The following LRBA variants were observed in gnomAD, a reference collection of about 807,000 sequenced individuals.
The protein encoded by LRBA is LPS responsive beige-like anchor protein.
Under a neutral mutation model 330.0 loss-of-function variants are expected in LRBA, and 176 were observed. The ratio of observed to expected loss-of-function variants is 0.53; its 90% confidence interval spans 0.47 to 0.60. The LOEUF is 0.60. Ranked by LOEUF, LRBA falls within the 20% of genes least tolerant of loss-of-function variation. The pLI, the probability that LRBA is intolerant of heterozygous loss-of-function variation, is 0.00. For synonymous variants in LRBA, 1,230 were observed against 1,193.0 expected (o/e 1.03, Z -0.64); for missense variants, 3,259 against 3,444.8 (o/e 0.95, Z 1.35).
chr4:150,655,967 G>A (rs916428982), intron 37 of LRBA, among the ~76,000 whole-genome samples: 19 of 152,064 alleles, frequency 1.2e-4, no homozygotes, highest in African/African-American at 4.6e-4. Context: ...CTCTCCCATC[G>A]CAAACCTAGT....
At chr4:150,568,027 C>A (rs769246757) in intron 40 of LRBA, among the ~76,000 whole-genome samples, 1 of 152,040 alleles carries the variant, frequency 6.6e-6, no homozygotes, top group Non-Finnish European at 1.5e-5. Flanking sequence ...AGCACTTGCC[C>A]GGGCACTGTG....
At chr4:151,015,052 A>C (rs7665453) in intron 1 of LRBA, 150 bp downstream of exon 1, 1 of 164,856 alleles carries the variant, frequency 6.1e-6, no homozygotes, top group Admixed American at 6.0e-5. Flanking sequence ...GAACAGGCTC[A>C]CTCCTCCCCC....
chr4:150,421,719 C>A (rs1748827263), intron 46 of LRBA, among the ~76,000 whole-genome samples: 1 of 152,038 alleles, frequency 6.6e-6, no homozygotes, highest in South Asian at 2.1e-4. Context: ...AAGGAGTAAA[C>A]AAGCAGCTTT....
At chr4:150,860,508 G>C (rs1751762945) in intron 22 of LRBA, among the ~76,000 whole-genome samples, 1 of 152,110 alleles carries the variant, frequency 6.6e-6, no homozygotes, top group Admixed American at 6.6e-5. Flanking sequence ...TTTAAGATCT[G>C]TTTAAAGCCA....
intron 37 of LRBA, among the ~76,000 whole-genome samples, chr4:150,646,541 A>G (rs1414609432): frequency 1.3e-5 from 2 of 152,080 alleles, no homozygotes; most frequent in African/African-American, 2.4e-5. Context: ...AAATAAATAA[A>G]TGTCCTGAGA....
intron 40 of LRBA, among the ~76,000 whole-genome samples, chr4:150,537,886 G>A (rs914304134): frequency 4.6e-5 from 7 of 151,888 alleles, no homozygotes; most frequent in African/African-American, 1.7e-4. Context: ...ACCCAGGAGG[G>A]GGAGGTTGCA....
In LRBA at chr4:150,282,375, C is replaced by T. The variant is rs530740632; in HGVS notation, c.8316+75G>A. The T allele has an allele frequency of 9.6e-5, 130 of 1,360,484 alleles. No homozygotes were observed. The South Asian group carries it at 1.3e-3, about 13-fold the overall frequency. The allele number at this position is 1,360,484 out of a possible 1,614,324, so 84.3% of individuals were successfully genotyped here. Reference sequence around the variant, plus strand: ...AATCCAAAAATAGAGGTTTCTTTCGCGAACCCTCTCCCTCCCCACTTGACA... The same window carrying T: ...AATCCAAAAATAGAGGTTTCTTTCGTGAACCCTCTCCCTCCCCACTTGACA... On this transcript the variant is annotated intron_variant, in intron 55 of 56. Transcript: ENST00000651943.
intron 37 of LRBA, among the ~76,000 whole-genome samples, chr4:150,599,775 A>C (rs1027666269): frequency 2.0e-5 from 3 of 152,218 alleles, no homozygotes; most frequent in African/African-American, 7.2e-5. Flanking sequence ...CCTGAGGCTT[A>C]GAACAACACA....
chr4:150,572,190 C>T (rs1769956570), intron 40 of LRBA, among the ~76,000 whole-genome samples: 1 of 152,088 alleles, frequency 6.6e-6, no homozygotes, highest in Non-Finnish European at 1.5e-5. Flanking sequence ...TACAATTCAT[C>T]AAACTTTAGT....
intron 2 of LRBA, among the ~76,000 whole-genome samples, chr4:150,932,684 G>A (rs927055041): frequency 6.6e-6 from 1 of 152,110 alleles, no homozygotes; most frequent in African/African-American, 2.4e-5. Context: ...GGGAGGCCGA[G>A]GCAGGTGGAT....
At chr4:150,946,795 T>C (rs1736294866) in intron 2 of LRBA, among the ~76,000 whole-genome samples, 1 of 151,912 alleles carries the variant, frequency 6.6e-6, no homozygotes, top group African/African-American at 2.4e-5. Context: ...AATGAAGAGC[T>C]AGTTCTTTGA....
intron 44 of LRBA, among the ~76,000 whole-genome samples, chr4:150,464,289 A>C (rs951057020): frequency 2.2e-4 from 33 of 152,066 alleles, no homozygotes; most frequent in Non-Finnish European, 2.5e-4. Context: ...TGTGAAGCAA[A>C]TTTTATATTC....
At chr4:150,480,735 C>T (rs1757204834) in intron 42 of LRBA, among the ~76,000 whole-genome samples, 1 of 151,956 alleles carries the variant, frequency 6.6e-6, no homozygotes, top group African/African-American at 2.4e-5. Flanking sequence ...AATAATTGTA[C>T]ATATTTATGG....
chr4:150,859,068 T>C (rs1443714239), intron 22 of LRBA, among the ~76,000 whole-genome samples: 3 of 152,184 alleles, frequency 2.0e-5, no homozygotes, highest in Non-Finnish European at 4.4e-5. Flanking sequence ...TCATTTCTTA[T>C]GTACAGTGAC....
At chr4:150,845,087 A>C (rs1458241876) in intron 26 of LRBA, among the ~76,000 whole-genome samples, 1 of 152,202 alleles carries the variant, frequency 6.6e-6, no homozygotes, top group Non-Finnish European at 1.5e-5. Flanking sequence ...CTTAGATCTC[A>C]ACTAAGCTAG....
intron 39 of LRBA, among the ~76,000 whole-genome samples, chr4:150,589,477 T>A (rs748068900): frequency 6.6e-6 from 1 of 152,224 alleles, no homozygotes; most frequent in Non-Finnish European, 1.5e-5. Context: ...TATAAATGGA[T>A]GAAATAAGAA....
intron 28 of LRBA, among the ~76,000 whole-genome samples, chr4:150,833,418 A>T (rs1417776233): frequency 6.6e-6 from 1 of 152,122 alleles, no homozygotes; most frequent in Admixed American, 6.5e-5. Context: ...ACTGTTCCCT[A>T]TCAGATAAAT....
At chr4:150,854,505 G>A (rs1337472339) in intron 22 of LRBA, among the ~76,000 whole-genome samples, 1 of 152,146 alleles carries the variant, frequency 6.6e-6, no homozygotes, top group African/African-American at 2.4e-5. Flanking sequence ...CTGACTTCAT[G>A]GAGCTTATAT....
chr4:150,950,574 C>CAAA (rs35609214), intron 2 of LRBA, among the ~76,000 whole-genome samples: 2 of 147,486 alleles, frequency 1.4e-5, no homozygotes, highest in Admixed American at 1.3e-4. Flanking sequence ...TTTTCTCCAC[C>CAAA]AAAAAAAAAA....
Sources: allele counts gnomAD v4.1 joint callset (sites outside exome capture counted in the v4.1 genomes callset), GRCh38; gene constraint gnomAD v4.1.1; transcripts MANE v1.5; gene names NCBI Gene and HGNC (gene_info 2026-07-23, HGNC 2026-07-21).